DLGAP2: variants seen among roughly 807,000 people sequenced by gnomAD.
The protein encoded by DLGAP2 is DLG associated protein 2, also known as disks large-associated protein 2.
In DLGAP2, 26 loss-of-function variants were observed where a neutral mutation model predicts 100.3. That is an observed-to-expected ratio of 0.26 (90% confidence interval 0.19 to 0.36). The LOEUF is 0.36. Ranked by LOEUF, DLGAP2 falls within the 10% of genes least tolerant of loss-of-function variation. The pLI is 1.00. For synonymous variants in DLGAP2, 886 were observed against 630.1 expected (o/e 1.41, Z -6.08); for missense variants, 1,858 against 1,453.2 (o/e 1.28, Z -4.53).
chr8:1,282,260 C>G (rs1365005813), intron 3 of DLGAP2, among the ~76,000 whole-genome samples: 2 of 140,192 alleles, frequency 1.4e-5, no homozygotes, highest in Non-Finnish European at 3.1e-5. Context: ...CTGAACCCAG[C>G]GCCCTGAACC....
chr8:1,040,736 G>A lies in DLGAP2; in HGVS notation c.73+132770G>A, dbSNP rs116516281. Among the ~76,000 whole-genome samples, 147 of 152,284 alleles carry A rather than the reference G, an allele frequency of 9.7e-4. 1 individual carries two copies. The highest frequency in any genetic ancestry group is 3.2e-3 in the African/African-American group (134 of 41,558). On this transcript the variant is annotated intron_variant, in intron 2 of 14. Coordinates refer to ENST00000637795, the MANE Select transcript of DLGAP2 (RefSeq NM_001346810.2). ...CAGCTAGATTTCTGTGGTCAGCTCC[G>A]TTCAGAAGAGGTGCATATGAGGGGA...
At chr8:980,459 T>G (rs1382647362) in intron 2 of DLGAP2, among the ~76,000 whole-genome samples, 1 of 152,232 alleles carries the variant, frequency 6.6e-6, no homozygotes. Context: ...GAGCCAAGTT[T>G]CCATTTCCTG....
intron 3 of DLGAP2, among the ~76,000 whole-genome samples, chr8:1,458,212 G>T (rs932194464): frequency 6.6e-6 from 1 of 151,758 alleles, no homozygotes; most frequent in African/African-American, 2.4e-5. Context: ...AGCCTCTGTT[G>T]TCTGATCTTA....
chr8:1,656,542 C>G (rs1798289595), intron 8 of DLGAP2, among the ~76,000 whole-genome samples: 2 of 152,146 alleles, frequency 1.3e-5, no homozygotes, highest in African/African-American at 2.4e-5. Flanking sequence ...GATATTTGGG[C>G]AATTTTTTCA....
chr8:977,693 A>G (rs1008958860), intron 2 of DLGAP2, among the ~76,000 whole-genome samples: 4 of 151,200 alleles, frequency 2.6e-5, no homozygotes, highest in African/African-American at 9.7e-5. Flanking sequence ...CTGTTTTTTA[A>G]GAGAGTTCAT....
At chr8:1,316,906 G>A (rs1800767515) in intron 3 of DLGAP2, among the ~76,000 whole-genome samples, 1 of 125,912 alleles carries the variant, frequency 7.9e-6, no homozygotes, top group Non-Finnish European at 1.6e-5. Context: ...GCGTGTGCGA[G>A]TGCAGCGTCT....
At chr8:1,491,248 G>A (rs1245316071) in intron 3 of DLGAP2, among the ~76,000 whole-genome samples, 2 of 152,110 alleles carry the variant, frequency 1.3e-5, no homozygotes, top group East Asian at 3.9e-4. Flanking sequence ...TGTAACTGGC[G>A]TCCCAGGTTG....
chr8:1,159,219 ATTGTT>A (rs1796846083), intron 2 of DLGAP2, among the ~76,000 whole-genome samples: 1 of 152,218 alleles, frequency 6.6e-6, no homozygotes, highest in Non-Finnish European at 1.5e-5. Flanking sequence ...AATGTGAGCA[ATTGTT>A]TTGGTTCTTG....
chr8:772,484 G>C (rs548786782), intron 1 of DLGAP2, among the ~76,000 whole-genome samples: 117 of 152,056 alleles, frequency 7.7e-4, no homozygotes, highest in Non-Finnish European at 1.3e-3. Flanking sequence ...CACCGTGTCT[G>C]GCTAATTTTT....
chr8:1,413,244 AG>A (rs1252240330), intron 3 of DLGAP2, among the ~76,000 whole-genome samples: 1 of 152,206 alleles, frequency 6.6e-6, no homozygotes, highest in Non-Finnish European at 1.5e-5. Context: ...ATTTATTTAT[AG>A]TATTTTTAAA....
chr8:869,318 G>T (rs529607437), intron 1 of DLGAP2, among the ~76,000 whole-genome samples: 2 of 152,272 alleles, frequency 1.3e-5, no homozygotes, highest in South Asian at 4.2e-4. Flanking sequence ...GTGAGTTGAA[G>T]GTACTTGTTT....
intron 3 of DLGAP2, among the ~76,000 whole-genome samples, chr8:1,431,402 G>C (rs902871865): frequency 1.3e-5 from 2 of 152,208 alleles, no homozygotes; most frequent in African/African-American, 2.4e-5. Flanking sequence ...ACAACCTACT[G>C]GGCGTCAGCA....
At chr8:1,193,963 T>G (rs1797695560) in intron 2 of DLGAP2, among the ~76,000 whole-genome samples, 1 of 152,140 alleles carries the variant, frequency 6.6e-6, no homozygotes, top group African/African-American at 2.4e-5. Context: ...TGCTGAGAGC[T>G]TGACGGGAAG....
intron 2 of DLGAP2, among the ~76,000 whole-genome samples, chr8:1,191,390 T>A (rs368783910): frequency 8.2e-4 from 125 of 152,268 alleles, no homozygotes; most frequent in Admixed American, 2.8e-3. Flanking sequence ...CAGGATGGTC[T>A]TGATCTCCTG....
intron 1 of DLGAP2, among the ~76,000 whole-genome samples, chr8:843,384 G>A (rs997916991): frequency 3.9e-5 from 6 of 152,204 alleles, no homozygotes; most frequent in East Asian, 1.9e-4. Flanking sequence ...TCAGCATCAG[G>A]AGTTCACGGG....
chr8:959,655 A>AGTC (rs1799677015), intron 2 of DLGAP2, among the ~76,000 whole-genome samples: 1 of 152,216 alleles, frequency 6.6e-6, no homozygotes, highest in Admixed American at 6.5e-5. Flanking sequence ...ACTGGTTGCC[A>AGTC]GTCATGTGAC....
At chr8:1,162,260 T>A (rs1262894956) in intron 2 of DLGAP2, among the ~76,000 whole-genome samples, 4 of 152,208 alleles carry the variant, frequency 2.6e-5, no homozygotes, top group Non-Finnish European at 1.5e-5. Context: ...CACAAATATT[T>A]GCCAGTGTTT....
chr8:1,364,814 C>T (rs773005733), intron 3 of DLGAP2, among the ~76,000 whole-genome samples: 3 of 152,190 alleles, frequency 2.0e-5, no homozygotes, highest in Admixed American at 1.3e-4. Context: ...GCATTTACGT[C>T]GGAGTTGGGG....
In DLGAP2 at chr8:1,128,330, CCCCGGTGTTGTGTTCCGTGAGGACCTGCT is replaced by C. The variant is rs1796216675; in HGVS notation, c.74-130505_74-130477del. Among the ~76,000 whole-genome samples, 83 of 112,592 alleles carry C rather than the reference CCCCGGTGTTGTGTTCCGTGAGGACCTGCT, an allele frequency of 7.4e-4. 1 individual carries two copies. The South Asian group carries it at 0.014, about 19-fold the overall frequency. The allele number at this position is 112,592 out of a possible 152,430, so 73.9% of individuals were successfully genotyped here. Reference sequence around the variant, plus strand: ...GGTGTTGTGTTCGGTGAGGACCTGCCCCCGGTGTTGTGTTCCGTGAGGACCTGCTCCCGGTGTTGTGTTCTGTGAGGGCC... The same window carrying C: ...GGTGTTGTGTTCGGTGAGGACCTGCCCCCGGTGTTGTGTTCTGTGAGGGCC... On this transcript the variant is annotated intron_variant, in intron 2 of 14. Transcript: ENST00000637795.
Sources: gnomAD v4.1 joint callset for allele counts (sites outside exome capture counted in the v4.1 genomes callset) on GRCh38, gnomAD v4.1.1 for gene constraint, MANE v1.5 for transcripts, NCBI Gene and HGNC (gene_info 2026-07-23, HGNC 2026-07-21) for gene names.